The following WWTR1 variants were observed in gnomAD, a reference collection of about 807,000 sequenced individuals.
The protein encoded by WWTR1 is WW domain-containing transcription regulator protein 1.
In WWTR1, 13 loss-of-function variants were observed where a neutral mutation model predicts 40.1. That is an observed-to-expected ratio of 0.32 (90% CI 0.21 to 0.52). The LOEUF is 0.52. Among genes scored for constraint, WWTR1 ranks in the 20% least tolerant of loss-of-function variants. WWTR1 has a pLI of 0.97. For synonymous variants in WWTR1, 230 were observed against 210.1 expected (o/e 1.09, Z -0.82); for missense variants, 436 against 523.1 (o/e 0.83, Z 1.63).
intron 3 of WWTR1, among the ~76,000 whole-genome samples, chr3:149,571,127 A>G (rs935019065): frequency 6.6e-6 from 1 of 151,962 alleles, no homozygotes; most frequent in South Asian, 2.1e-4. Flanking sequence ...CACACACACA[A>G]CTAGAAACAC....
At chr3:149,598,318 T>C (rs967561874) in intron 2 of WWTR1, among the ~76,000 whole-genome samples, 2 of 152,248 alleles carry the variant, frequency 1.3e-5, no homozygotes, top group African/African-American at 2.4e-5. Context: ...TCAAGAATTT[T>C]ACTTGTATCA....
chr3:149,566,556 T>C (rs960611522), intron 3 of WWTR1, among the ~76,000 whole-genome samples: 4 of 151,526 alleles, frequency 2.6e-5, no homozygotes, highest in Non-Finnish European at 4.4e-5. Context: ...CATGTAAATT[T>C]GATTAAGAAA....
At chr3:149,686,872 G>A (rs1443516550) in intron 1 of WWTR1, among the ~76,000 whole-genome samples, 5 of 152,112 alleles carry the variant, frequency 3.3e-5, no homozygotes. Context: ...TGGGAGTTCT[G>A]AGTACATCTG....
At chr3:149,700,403 T>C (rs1002488276) in intron 1 of WWTR1, among the ~76,000 whole-genome samples, 2 of 152,156 alleles carry the variant, frequency 1.3e-5, no homozygotes, top group African/African-American at 4.8e-5. Context: ...CCTAGCATGG[T>C]ACCATTATAG....
chr3:149,644,747 G>A (rs1182157676), intron 2 of WWTR1, among the ~76,000 whole-genome samples: 1 of 152,200 alleles, frequency 6.6e-6, no homozygotes, highest in African/African-American at 2.4e-5. Context: ...GATAACACAA[G>A]TAACTGGGAA....
chr3:149,578,284 A>G (rs1178102195), intron 2 of WWTR1, among the ~76,000 whole-genome samples: 1 of 152,078 alleles, frequency 6.6e-6, no homozygotes, highest in Non-Finnish European at 1.5e-5. Flanking sequence ...CACACTACCC[A>G]TATGCATGAG....
chr3:149,670,334 T>C (rs1179186058), intron 1 of WWTR1, among the ~76,000 whole-genome samples: 1 of 152,186 alleles, frequency 6.6e-6, no homozygotes, highest in Non-Finnish European at 1.5e-5. Flanking sequence ...GCTGTGGGCC[T>C]TTCCTCCTCA....
At chr3:149,683,435 T>G (rs1714526094) in intron 1 of WWTR1, among the ~76,000 whole-genome samples, 1 of 152,260 alleles carries the variant, frequency 6.6e-6, no homozygotes, top group Admixed American at 6.5e-5. Context: ...GGCTCATGCC[T>G]GTAATCCCAG....
At chr3:149,703,880 C>T (rs535943550), upstream of WWTR1, among the ~76,000 whole-genome samples, 27 of 152,300 alleles carry the variant, frequency 1.8e-4, no homozygotes, top group Middle Eastern at 3.4e-3. Context: ...CAGATGCTGG[C>T]GCATGCTTCT....
At chr3:149,663,636 C>T (rs956369814) in intron 2 of WWTR1, among the ~76,000 whole-genome samples, 4 of 152,090 alleles carry the variant, frequency 2.6e-5, no homozygotes, top group Admixed American at 1.3e-4. Context: ...GCGGAGGCTG[C>T]AGTGAGCCGA....
At chr3:149,605,831 A>G (rs1274636386) in intron 2 of WWTR1, among the ~76,000 whole-genome samples, 1 of 152,196 alleles carries the variant, frequency 6.6e-6, no homozygotes, top group African/African-American at 2.4e-5. Context: ...TATCCTGTCC[A>G]ATACCACTGA....
chr3:149,694,120 G>A (rs1384348153), intron 1 of WWTR1, among the ~76,000 whole-genome samples: 11 of 152,142 alleles, frequency 7.2e-5, no homozygotes, highest in African/African-American at 1.9e-4. Context: ...TAGGCTGGGC[G>A]CGGTGGCTCA....
At chr3:149,574,861 G>T (rs1258238340) in intron 2 of WWTR1, among the ~76,000 whole-genome samples, 2 of 151,646 alleles carry the variant, frequency 1.3e-5, no homozygotes, top group Non-Finnish European at 2.9e-5. Context: ...TTGGGAGGCC[G>T]AGGCGGGTGG....
At position 149,718,885 on chromosome 3, in the gene WWTR1, G is replaced by A. The variant is rs138435811; in HGVS notation, n.460-1319C>T. On this transcript the variant is annotated intron_variant and non_coding_transcript_variant, in intron 4 of 6. Coordinates refer to the WWTR1 transcript ENST00000474080. Reference sequence around the variant, plus strand: ...CTGTTGCCCAGGCTGGAGTGCAGTGGTATGATCTCGGTTCAGTGCAACGTC... The same window carrying A: ...CTGTTGCCCAGGCTGGAGTGCAGTGATATGATCTCGGTTCAGTGCAACGTC... Among the ~76,000 whole-genome samples, 707 of 152,022 alleles carry A rather than the reference G, an allele frequency of 4.7e-3. 2 individuals are homozygous for A. Among genetic ancestry groups the A allele is most frequent in the African/African-American group, 0.016 (683 of 41,466 alleles).
chr3:149,599,917 C>T (rs1027443380), intron 2 of WWTR1, among the ~76,000 whole-genome samples: 2 of 152,126 alleles, frequency 1.3e-5, no homozygotes, highest in Non-Finnish European at 2.9e-5. Context: ...ATTCAACCAA[C>T]ATTGGCCTGA....
chr3:149,703,958 T>C (rs1005009319), upstream of WWTR1, among the ~76,000 whole-genome samples: 1 of 152,134 alleles, frequency 6.6e-6, no homozygotes, highest in Non-Finnish European at 1.5e-5. Flanking sequence ...GCTTGAGTAT[T>C]CCTTTATAGC....
At chr3:149,667,078 C>T (rs1272029164) in intron 2 of WWTR1, among the ~76,000 whole-genome samples, 1 of 152,182 alleles carries the variant, frequency 6.6e-6, no homozygotes, top group Non-Finnish European at 1.5e-5. Context: ...AAAATTCAAT[C>T]AAACCCTGAT....
chr3:149,542,366 A>G lies in WWTR1; in HGVS notation c.740T>C (p.Ile247Thr). ...LQRIQMERER[I>T]RMRQEELMRQ... ...CATGAGCTCCTCTTGGCGCATTCGA[A>G]TCCTTTCTCTCTCCATCTGGATTCT... The change falls in exon 4 of 7, where the codon ATT (isoleucine) becomes ACT (threonine). Residue 247 changes from isoleucine to threonine, a missense_variant. Physicochemically the swap from Ile to Thr is moderately conservative, Grantham distance 89. Transcript: ENST00000360632. The G allele has an allele frequency of 6.2e-7, 1 of 1,613,886 alleles. No homozygotes were observed. Among genetic ancestry groups the G allele is most frequent in the Non-Finnish European group, 8.5e-7 (1 of 1,179,910 alleles).
chr3:149,651,838 T>TC (rs1712888032), intron 2 of WWTR1, among the ~76,000 whole-genome samples: 1 of 148,588 alleles, frequency 6.7e-6, no homozygotes, highest in Non-Finnish European at 1.5e-5. Context: ...TCTTTTTTTT[T>TC]TTTTTTTTTG....
Sources: gnomAD v4.1 joint callset for allele counts (sites outside exome capture counted in the v4.1 genomes callset) on GRCh38, gnomAD v4.1.1 for gene constraint, MANE v1.5 for transcripts, NCBI Gene and HGNC (gene_info 2026-07-23, HGNC 2026-07-21) for gene names.